Variants in SNTG1 observed in about 807,000 individuals in gnomAD.
SNTG1 encodes the protein syntrophin gamma 1, also known as gamma-1-syntrophin.
SNTG1 carries 39 observed loss-of-function variants against 74.7 expected under a neutral mutation model. That is an observed-to-expected ratio of 0.52 (90% CI 0.40 to 0.68). SNTG1 has a LOEUF of 0.68. Ranked by LOEUF, SNTG1 falls within the 30% of genes least tolerant of loss-of-function variation. The pLI is 0.00. For missense variants in SNTG1, 685 were observed against 609.5 expected (o/e 1.12, Z -1.30); for synonymous variants, 254 against 217.1 (o/e 1.17, Z -1.49).
chr8:50,699,301 T>G (rs2095415628), intron 15 of SNTG1, among the ~76,000 whole-genome samples: 1 of 152,140 alleles, frequency 6.6e-6, no homozygotes, highest in Non-Finnish European at 1.5e-5. Flanking sequence ...ACATTTTACA[T>G]AAAGTAAACA....
At chr8:49,944,434 T>C (rs879467935) in intron 1 of SNTG1, among the ~76,000 whole-genome samples, 22 of 151,854 alleles carry the variant, frequency 1.4e-4, no homozygotes, top group Non-Finnish European at 2.6e-4. Flanking sequence ...CTTTCTTTCT[T>C]TTTTAAGATG....
At chr8:50,624,993 C>G (rs1025040572) in intron 13 of SNTG1, among the ~76,000 whole-genome samples, 4 of 152,156 alleles carry the variant, frequency 2.6e-5, no homozygotes, top group African/African-American at 9.6e-5. Flanking sequence ...CACTTGCTTT[C>G]CAAAAGCTTC....
At chr8:50,291,929 A>G (rs989261595) in intron 2 of SNTG1, among the ~76,000 whole-genome samples, 2 of 152,096 alleles carry the variant, frequency 1.3e-5, no homozygotes, top group Non-Finnish European at 2.9e-5. Flanking sequence ...GGAGTGTCCA[A>G]TGGTAGAGGC....
intron 8 of SNTG1, among the ~76,000 whole-genome samples, chr8:50,497,568 A>G (rs1585467171): frequency 2.0e-5 from 3 of 152,054 alleles, no homozygotes; most frequent in Admixed American, 6.6e-5. Flanking sequence ...CTAAGCCAAA[A>G]AAAGCAAAAG....
chr8:50,355,678 G>A (rs2091797759), intron 2 of SNTG1, among the ~76,000 whole-genome samples: 1 of 152,188 alleles, frequency 6.6e-6, no homozygotes, highest in Non-Finnish European at 1.5e-5. Context: ...TGAGAAATGT[G>A]ATGCTCAAAA....
At chr8:50,638,329 C>T (rs1905377) in intron 13 of SNTG1, among the ~76,000 whole-genome samples, 34,085 of 151,952 alleles carry the variant, frequency 0.22, 4,431 homozygotes, top group African/African-American at 0.35. Context: ...GCAATTTTTA[C>T]AACCACAATA....
At chr8:50,579,495 C>A (rs994956107) in intron 12 of SNTG1, among the ~76,000 whole-genome samples, 3 of 152,084 alleles carry the variant, frequency 2.0e-5, no homozygotes, top group African/African-American at 7.2e-5. Flanking sequence ...GTGTCAGAGA[C>A]CTTCATGGCA....
intron 1 of SNTG1, among the ~76,000 whole-genome samples, chr8:50,072,700 A>C (rs1395309686): frequency 6.6e-6 from 1 of 152,174 alleles, no homozygotes; most frequent in East Asian, 1.9e-4. Context: ...ATCATCTCTA[A>C]AACTAAAATA....
intron 2 of SNTG1, among the ~76,000 whole-genome samples, chr8:50,182,137 G>T (rs1433075330): frequency 6.6e-6 from 1 of 152,162 alleles, no homozygotes; most frequent in Non-Finnish European, 1.5e-5. Context: ...TATTTTAGAA[G>T]AGTGTCATTT....
chr8:50,607,175 C>T (rs2094818790), intron 13 of SNTG1, among the ~76,000 whole-genome samples: 1 of 151,682 alleles, frequency 6.6e-6, no homozygotes, highest in Non-Finnish European at 1.5e-5. Flanking sequence ...ATTTAATTTT[C>T]ATATATTTGG....
chr8:50,432,001 C>A (rs1319879927), intron 4 of SNTG1, among the ~76,000 whole-genome samples: 1 of 152,226 alleles, frequency 6.6e-6, no homozygotes, highest in African/African-American at 2.4e-5. Flanking sequence ...TTAGCAGTAT[C>A]TTTCACAAAG....
chr8:50,560,546 G>A (rs1224174922), intron 12 of SNTG1, among the ~76,000 whole-genome samples: 2 of 152,184 alleles, frequency 1.3e-5, no homozygotes, highest in Non-Finnish European at 2.9e-5. Context: ...TCATAGAAAG[G>A]AACAAGATCA....
intron 1 of SNTG1, among the ~76,000 whole-genome samples, chr8:50,046,106 G>A (rs1320965900): frequency 6.6e-6 from 1 of 152,182 alleles, no homozygotes; most frequent in African/African-American, 2.4e-5. Context: ...GTATTTATGG[G>A]CACTGAAATT....
At chr8:50,370,588 C>G (rs1371335333) in intron 2 of SNTG1, among the ~76,000 whole-genome samples, 2 of 152,126 alleles carry the variant, frequency 1.3e-5, no homozygotes, top group African/African-American at 4.8e-5. Flanking sequence ...CGCCCTTTCA[C>G]CCCTGTCTGA....
At chr8:50,656,669 T>C (rs1331441209) in intron 13 of SNTG1, among the ~76,000 whole-genome samples, 1 of 152,162 alleles carries the variant, frequency 6.6e-6, no homozygotes, top group Non-Finnish European at 1.5e-5. Context: ...GCATAAACAC[T>C]TGATAAATGC....
intron 15 of SNTG1, among the ~76,000 whole-genome samples, chr8:50,680,896 G>A (rs1178996260): frequency 1.3e-5 from 2 of 152,064 alleles, no homozygotes; most frequent in African/African-American, 4.8e-5. Flanking sequence ...CCATCCCAAT[G>A]ACTCTGAGAA....
chr8:50,630,912 A>G (rs532039669), intron 13 of SNTG1, among the ~76,000 whole-genome samples: 67 of 152,330 alleles, frequency 4.4e-4, no homozygotes, highest in African/African-American at 1.5e-3. Flanking sequence ...CAAAAGTCAG[A>G]TACATCCGAA....
chr8:50,444,440 T>C (rs1043313925), intron 5 of SNTG1, among the ~76,000 whole-genome samples: 5 of 152,138 alleles, frequency 3.3e-5, no homozygotes, highest in African/African-American at 9.7e-5. Flanking sequence ...AAAATGAATA[T>C]GTCCATTTCC....
At chr8:50,641,560 T>C (rs911715409) in intron 13 of SNTG1, among the ~76,000 whole-genome samples, 1 of 152,226 alleles carries the variant, frequency 6.6e-6, no homozygotes, top group African/African-American at 2.4e-5. Flanking sequence ...AGGCTATATC[T>C]ACTGTCTCCA....
Sources: allele counts gnomAD v4.1 joint callset (sites outside exome capture counted in the v4.1 genomes callset), GRCh38; gene constraint gnomAD v4.1.1; transcripts MANE v1.5; gene names NCBI Gene and HGNC (gene_info 2026-07-23, HGNC 2026-07-21).